HEATR5B: variants seen among roughly 807,000 people sequenced by gnomAD.
HEATR5B encodes the protein HEAT repeat containing 5B.
A neutral mutation model predicts 224.1 loss-of-function variants in HEATR5B; 156 were observed. That is an observed-to-expected ratio of 0.70 (90% CI 0.61 to 0.80). The LOEUF (loss-of-function observed/expected upper bound fraction) is 0.80, where lower values mean the gene tolerates loss of function less well. HEATR5B is among the 30% of genes least tolerant of loss of function. HEATR5B has a pLI of 0.00. For synonymous variants in HEATR5B, 1,027 were observed against 893.0 expected, an observed-to-expected ratio of 1.15 and a Z score of -2.68; for missense variants, 2,323 against 2,535.5, an observed-to-expected ratio of 0.92 and a Z score of 1.80.
intron 26 of HEATR5B, 94 bp from the exon 27 acceptor site, chr2:37,014,114 C>G (rs539271199): frequency 1.6e-6 from 1 of 636,528 alleles, no homozygotes; most frequent in East Asian, 2.9e-5. Flanking sequence ...AGATAAAACA[C>G]AAAACCAAAG....
At chr2:37,059,621 G>T (rs918502139) in intron 12 of HEATR5B, among the ~76,000 whole-genome samples, 20 of 151,120 alleles carry the variant, frequency 1.3e-4, no homozygotes, top group African/African-American at 4.4e-4. Context: ...GCACCAGCAC[G>T]CCTGGCTAAT....
intron 34 of HEATR5B, among the ~76,000 whole-genome samples, chr2:36,989,906 T>C (rs1169878318): frequency 7.2e-6 from 1 of 139,396 alleles, no homozygotes; most frequent in East Asian, 2.0e-4. Flanking sequence ...TTCCTTTTTT[T>C]TTTTTTTTTT....
intron 32 of HEATR5B, among the ~76,000 whole-genome samples, chr2:37,001,050 AT>A (rs1667057883): frequency 6.6e-6 from 1 of 152,172 alleles, no homozygotes; most frequent in Non-Finnish European, 1.5e-5. Flanking sequence ...AGCTAGCCTT[AT>A]TTTTATTACT....
intron 23 of HEATR5B, among the ~76,000 whole-genome samples, chr2:37,028,403 A>G (rs1572840951): frequency 6.6e-6 from 1 of 152,116 alleles, no homozygotes; most frequent in South Asian, 2.1e-4. Context: ...TTTACATACT[A>G]TGTCATACTC....
At chr2:37,038,450 T>A (rs1204243997) in intron 20 of HEATR5B, among the ~76,000 whole-genome samples, 2 of 152,196 alleles carry the variant, frequency 1.3e-5, no homozygotes, top group African/African-American at 4.8e-5. Context: ...TATATGCCTA[T>A]CTTTAAATGT....
intron 26 of HEATR5B, among the ~76,000 whole-genome samples, chr2:37,017,413 G>A (rs759106846): frequency 4.0e-5 from 6 of 150,198 alleles, no homozygotes; most frequent in African/African-American, 9.8e-5. Context: ...TGACAGGTGC[G>A]GTGGCTCACA....
intron 27 of HEATR5B, among the ~76,000 whole-genome samples, chr2:37,011,227 T>G (rs990948870): frequency 6.6e-6 from 1 of 152,116 alleles, no homozygotes; most frequent in Non-Finnish European, 1.5e-5. Flanking sequence ...AGGACAAAAG[T>G]TGACTTGCTC....
intron 27 of HEATR5B, among the ~76,000 whole-genome samples, chr2:37,012,580 G>C (rs1403047378): frequency 1.3e-5 from 2 of 152,146 alleles, no homozygotes; most frequent in Admixed American, 1.3e-4. Context: ...AGCAGAGACA[G>C]TGTTTCACCA....
Position 37,040,323 on chromosome 2 carries a change from A to G in HEATR5B, c.3046+6T>C, listed in dbSNP as rs1342812120. ...TAGGTTCCTTAATTTCAGATGATTT[A>G]CTTACCTTGTAGTTCAGGGCCAACA... On this transcript the variant is annotated splice_donor_region_variant and intron_variant, in intron 20 of 35. Transcript: ENST00000233099. The G allele has an allele frequency of 6.2e-7, 1 of 1,605,482 alleles. No homozygotes were observed. The highest frequency in any genetic ancestry group is 1.3e-5 in the African/African-American group (1 of 74,640).
At chr2:37,050,401 G>A (rs533141053) in intron 17 of HEATR5B, among the ~76,000 whole-genome samples, 33 of 152,192 alleles carry the variant, frequency 2.2e-4, no homozygotes, top group African/African-American at 7.9e-4. Flanking sequence ...GACACTTGCG[G>A]GGAGTGTCTC....
At chr2:37,014,127 CA>C (rs1667963919) in intron 26 of HEATR5B, 107 bp from the exon 27 acceptor site, 1 of 571,310 alleles carries the variant, frequency 1.8e-6, no homozygotes. Flanking sequence ...AACCAAAGAA[CA>C]AAACAAAATA....
In HEATR5B at chr2:36,993,182, G is replaced by C. The variant is rs145604504; in HGVS notation, c.5546-2383C>G. On this transcript the variant is annotated intron_variant, in intron 33 of 35. Coordinates refer to ENST00000233099, the MANE Select transcript of HEATR5B (RefSeq NM_019024.3). ...TCTTGGGGCTAGAAAGTATGGAAGT[G>C]CTCAAGAAATAATGGGGCCACATTG... Among the ~76,000 whole-genome samples, 48 of 152,138 alleles carry C rather than the reference G, an allele frequency of 3.2e-4. 1 individual carries two copies. Among genetic ancestry groups the C allele is most frequent in the Middle Eastern group, 6.8e-3 (2 of 294 alleles).
intron 3 of HEATR5B, among the ~76,000 whole-genome samples, chr2:37,077,232 T>A (rs1342627303): frequency 6.6e-6 from 1 of 152,214 alleles, no homozygotes; most frequent in Non-Finnish European, 1.5e-5. Flanking sequence ...TAAATTGTAT[T>A]CTTGTTAGGA....
In HEATR5B at chr2:37,040,410, GAACTGTC is replaced by G; in HGVS notation, c.2958_2964del (p.Leu986PhefsTer19). 1 of 1,613,954 alleles carries G rather than the reference GAACTGTC, an allele frequency of 6.2e-7. No individual in the cohort carries two copies. Among genetic ancestry groups the G allele is most frequent in the Non-Finnish European group, 8.5e-7 (1 of 1,179,940 alleles). ...TGATGAACTTCTGTATGTGAAGGCGGAACTGTCAACAGCAAGGTAAGAACTAGAGATA... is the reference window on the plus strand; with the variant it reads ...TGATGAACTTCTGTATGTGAAGGCGGAACAGCAAGGTAAGAACTAGAGATA... On this transcript the variant is annotated frameshift_variant, in exon 20 of 36. Transcript: ENST00000233099. LOFTEE classifies it high-confidence loss of function.
Position 37,040,519 on chromosome 2 carries a change from C to A in HEATR5B, c.2857-1G>T, listed in dbSNP as rs773294475. ...AAGCAAGTGAATGAAGAGACCAAGT[C>A]TAGAATAAAATATAATTTCATTTTA... On this transcript the variant is annotated splice_acceptor_variant, in intron 19 of 35. Transcript: ENST00000233099. LOFTEE classifies it high-confidence loss of function. The A allele has an allele frequency of 4.4e-6, 7 of 1,594,948 alleles. No homozygotes were observed. Among genetic ancestry groups the A allele is most frequent in the South Asian group, 1.1e-5 (1 of 87,810 alleles).
intron 35 of HEATR5B, among the ~76,000 whole-genome samples, chr2:36,982,482 AACC>A (rs1665648388): frequency 1.3e-5 from 2 of 152,156 alleles, no homozygotes; most frequent in Admixed American, 1.3e-4. Flanking sequence ...TTTAACAATT[AACC>A]TTTATATGTA....
rs1671966093 is a variant in HEATR5B, at chr2:37,072,495, TGAGAG to T, written c.598-219_598-215del. Among the ~76,000 whole-genome samples, 11 of 152,268 alleles carry T rather than the reference TGAGAG, an allele frequency of 7.2e-5. No individual in the cohort carries two copies. The South Asian group carries it at 2.3e-3, about 32-fold the overall frequency. On this transcript the variant is annotated intron_variant, in intron 5 of 35. Coordinates refer to ENST00000233099, the MANE Select transcript of HEATR5B (RefSeq NM_019024.3). The stretch of plus-strand genomic sequence containing the variant: ...CTACAACTGTCCCAGCCTACTGCCT[TGAGAG>T]AGTTTCTAGTTAGGGAGAAACATGT...
At position 37,012,675 on chromosome 2, in the gene HEATR5B, C is replaced by T. The variant is rs1165110396; in HGVS notation, c.4284+1166G>A. On this transcript the variant is annotated intron_variant, in intron 27 of 35. Transcript: ENST00000233099. ...AAAGTGCTGGGATTACAGGTGTGAG[C>T]CACCACGCCTGGCCTAGGGCGCAGT... 2.6e-5 allele frequency among the ~76,000 whole-genome samples: 4 copies of T among 152,180 alleles called. No homozygotes were observed. In the South Asian group the frequency reaches 6.2e-4, roughly 24 times the overall value.
intron 1 of HEATR5B, 29 bp from the exon 2 acceptor site, chr2:37,083,465 G>GTA: frequency 2.0e-6 from 3 of 1,482,248 alleles, no homozygotes; most frequent in Non-Finnish European, 2.8e-6. Flanking sequence ...AAAAATACTT[G>GTA]TAAGTATTTT....
Sources: allele counts gnomAD v4.1 joint callset (sites outside exome capture counted in the v4.1 genomes callset), GRCh38; gene constraint gnomAD v4.1.1; transcripts MANE v1.5; gene names NCBI Gene and HGNC (gene_info 2026-07-23, HGNC 2026-07-21).